Variants in DYRK1B observed in about 807,000 individuals in gnomAD.
The protein encoded by DYRK1B is dual specificity tyrosine phosphorylation regulated kinase 1B.
In DYRK1B, 20 loss-of-function variants were observed where a neutral mutation model predicts 57.1. The observed-to-expected ratio is 0.35, with a 90% confidence interval of 0.25 to 0.51. The LOEUF (loss-of-function observed/expected upper bound fraction) is 0.51. Ranked by LOEUF, DYRK1B falls within the 20% of genes least tolerant of loss-of-function variation. The probability of loss-of-function intolerance (pLI) is 0.96; values close to 1 mark genes in which losing one functional copy is unlikely to be tolerated. For missense variants in DYRK1B, 732 were observed against 886.3 expected (o/e 0.83, Z 2.21); for synonymous variants, 409 against 384.7 (o/e 1.06, Z -0.74).
intron 2 of DYRK1B, 42 bp from the exon 3 acceptor site, chr19:39,830,825 C>G (rs1490973981): frequency 2.5e-6 from 4 of 1,570,178 alleles, no homozygotes; most frequent in African/African-American, 2.7e-5. Flanking sequence ...GACGTGCCTT[C>G]ACCTCCGACC....
intron 2 of DYRK1B, 72 bp from the exon 3 acceptor site, chr19:39,830,855 G>C: frequency 6.6e-7 from 1 of 1,515,848 alleles, no homozygotes; most frequent in Non-Finnish European, 8.8e-7. Flanking sequence ...AGAACTGTAA[G>C]GGCTGCTGGC....
rs1171437317 is a variant in DYRK1B, at chr19:39,825,564, C to G, written c.*151G>C. ...GAGCGGCCAAAACCCTCTCCTTGAC[C>G]CCCCTGCCCCAGGCCCCAATCAGTG... On this transcript the variant is annotated 3_prime_UTR_variant, in exon 11 of 11. Coordinates refer to ENST00000323039, the MANE Select transcript of DYRK1B (RefSeq NM_004714.3). The G allele has an allele frequency of 2.6e-6, 2 of 775,386 alleles. No homozygotes were observed. Among genetic ancestry groups the G allele is most frequent in the South Asian group, 1.8e-5 (1 of 54,578 alleles). The allele number at this position is 775,386 out of a possible 1,614,324, so 48.0% of individuals were successfully genotyped here. A position where few individuals can be genotyped will look rare whatever the true frequency, so the allele number is the denominator to read the frequency against.
intron 8 of DYRK1B, 27 bp from the exon 9 acceptor site, chr19:39,827,014 G>GGC: frequency 1.7e-5 from 7 of 419,598 alleles, no homozygotes; most frequent in Non-Finnish European, 3.0e-5. Context: ...GGGAGGGGGG[G>GGC]CAAGAGAGTG....
intron 8 of DYRK1B, 104 bp from the exon 9 acceptor site, chr19:39,827,091 A>G (rs879837061): frequency 1.1e-4 from 136 of 1,216,016 alleles, no homozygotes; most frequent in Non-Finnish European, 1.5e-4. Flanking sequence ...GAGAAAGTGG[A>G]AAGAAAAGCT....
intron 6 of DYRK1B, 83 bp from the exon 7 acceptor site, chr19:39,827,739 G>C: frequency 6.6e-7 from 1 of 1,516,308 alleles, no homozygotes; most frequent in East Asian, 2.3e-5. Flanking sequence ...ACCCAACTGA[G>C]GACAGGCTTC....
chr19:39,825,780 G>A lies in DYRK1B; in HGVS notation c.1825C>T (p.Pro609Ser). Residue 609 changes from proline to serine, a missense_variant, in exon 11 of 11, where the codon CCT becomes TCT. This residue lies in a region of DYRK1B where 222 missense variants were observed against 205.0 expected (regional missense o/e 1.08). Coordinates refer to ENST00000323039, the MANE Select transcript of DYRK1B (RefSeq NM_004714.3). ...GRPPLPPPDDPATLGPHLGLR... is the reference protein window; with the variant it reads ...GRPPLPPPDDSATLGPHLGLR... ...CCCAGGTGAGGCCCCAGAGTGGCAG[G>A]GTCATCAGGAGGCGGGAGGGGTGGA... 5 of 1,573,688 alleles carry A rather than the reference G, an allele frequency of 3.2e-6. No individual in the cohort carries two copies. The highest frequency in any genetic ancestry group is 4.3e-6 in the Non-Finnish European group (5 of 1,160,850).
intron 5 of DYRK1B, 186 bp downstream of exon 5, chr19:39,829,692 TAC>T (rs1240532323): frequency 1.5e-6 from 1 of 673,076 alleles, no homozygotes; most frequent in Non-Finnish European, 2.4e-6. Flanking sequence ...CTCTGACCAT[TAC>T]CAAGAAAATA....
chr19:39,832,865 G>A lies in DYRK1B; in HGVS notation c.-101-897C>T, dbSNP rs1357593286. On this transcript the variant is annotated intron_variant, in intron 1 of 10. Transcript: ENST00000323039. ...GGCCCACTCCTCCTGATGGGAGAAG[G>A]AGGAGGTGTCTCTTCCCACAGTTTA... is the stretch of plus-strand genomic sequence containing the variant. 6 of 968,566 alleles carry A rather than the reference G, an allele frequency of 6.2e-6. No individual in the cohort carries two copies. In the East Asian group the frequency reaches 5.7e-4, roughly 93 times the overall value. The allele number at this position is 968,566 out of a possible 1,614,324, so 60.0% of individuals were successfully genotyped here.
intron 2 of DYRK1B, 149 bp downstream of exon 2, chr19:39,831,654 GAA>G (rs1968814867): frequency 1.9e-6 from 2 of 1,026,562 alleles, no homozygotes; most frequent in Non-Finnish European, 1.4e-6. Context: ...GACTCTGCCT[GAA>G]AACTCCTCTG....
At chr19:39,827,217 G>A (rs1968582349) in intron 8 of DYRK1B, 68 bp downstream of exon 8, 2 of 1,529,986 alleles carry the variant, frequency 1.3e-6, no homozygotes, top group Admixed American at 1.9e-5. Context: ...AGGGAGCAGG[G>A]GGAGAGAGCC....
chr19:39,830,136 C>T (rs898571148), intron 4 of DYRK1B, 109 bp from the exon 5 acceptor site: 36 of 1,402,272 alleles, frequency 2.6e-5, no homozygotes, highest in Admixed American at 8.3e-5. Context: ...ATGCATACTT[C>T]GCAGCTGAGT....
intron 1 of DYRK1B, among the ~76,000 whole-genome samples, 171 bp downstream of exon 1, chr19:39,833,852 G>A (rs961720233): frequency 2.0e-5 from 3 of 152,134 alleles, no homozygotes; most frequent in Non-Finnish European, 2.9e-5. Flanking sequence ...GGCTTGGCCG[G>A]TTCCAGGAAT....
chr19:39,826,287 C>T lies in DYRK1B; in HGVS notation c.1412-1G>A. On this transcript the variant is annotated splice_acceptor_variant, in intron 9 of 10. Coordinates refer to ENST00000323039, the MANE Select transcript of DYRK1B (RefSeq NM_004714.3). LOFTEE classifies it high-confidence loss of function. The surrounding 1 kb of genome is among the most constrained non-coding windows in gnomAD (Gnocchi z 6.3). Reference sequence around the variant, plus strand: ...TCACTGGAGGAGCCACTGGAGCCTCCTGGAAGTGCCAGGGAGGAGAGGTGA... The same window carrying T: ...TCACTGGAGGAGCCACTGGAGCCTCTTGGAAGTGCCAGGGAGGAGAGGTGA... The T allele has an allele frequency of 6.4e-7, 1 of 1,569,008 alleles. No homozygotes were observed. The highest frequency in any genetic ancestry group is 8.6e-7 in the Non-Finnish European group (1 of 1,162,604).
At position 39,827,749 on chromosome 19, in the gene DYRK1B, C is replaced by G. The variant is rs192789209; in HGVS notation, c.808-93G>C. On this transcript the variant is annotated intron_variant, in intron 6 of 10. Coordinates refer to ENST00000323039, the MANE Select transcript of DYRK1B (RefSeq NM_004714.3). Reference sequence around the variant, plus strand: ...AGAGGACCCAACTGAGGACAGGCTTCTTGCTGACAAAATGGGGACTGAGGC... The same window carrying G: ...AGAGGACCCAACTGAGGACAGGCTTGTTGCTGACAAAATGGGGACTGAGGC... The G allele has an allele frequency of 2.0e-6, 3 of 1,474,542 alleles. No homozygotes were observed. In the East Asian group the frequency reaches 6.9e-5, roughly 34 times the overall value. The allele number at this position is 1,474,542 out of a possible 1,614,324, so 91.3% of individuals were successfully genotyped here. A position where few individuals can be genotyped will look rare whatever the true frequency, so the allele number is the denominator to read the frequency against.
rs1395457471 is a variant in DYRK1B at position 39,828,683 on chromosome 19, G to A, written c.521-100C>T. ...ACGCTCTTTGATTACTAGCCACATT[G>A]TGCTGTCCCCACGGGTACCATCTGC... is the stretch of plus-strand genomic sequence containing the variant. On this transcript the variant is annotated intron_variant, in intron 5 of 10. Coordinates refer to ENST00000323039, the MANE Select transcript of DYRK1B (RefSeq NM_004714.3). The surrounding 1 kb of genome is among the most constrained non-coding windows in gnomAD (Gnocchi z 4.3). The A allele has an allele frequency of 1.6e-6, 2 of 1,263,802 alleles. No homozygotes were observed. Among genetic ancestry groups the A allele is most frequent in the Non-Finnish European group, 1.1e-6 (1 of 911,818 alleles). 78.3% of individuals were successfully genotyped at this position (1,263,802 alleles called of 1,614,324 possible).
Position 39,828,230 on chromosome 19 carries a change from A to G in DYRK1B, c.807+67T>C, listed in dbSNP as rs1042903412. On this transcript the variant is annotated intron_variant, in intron 6 of 10. Transcript: ENST00000323039. This position sits in a 1 kb window ranked among gnomAD's most constrained non-coding sequence, Gnocchi z 4.3. ...CCCATCCCAGCCAAGCCCCGCCCCT[A>G]AGCCTCCCGTTGGCTCTGCCCCACC... The G allele has an allele frequency of 1.9e-6, 3 of 1,550,258 alleles. No individual in the cohort carries two copies. The highest frequency in any genetic ancestry group is 1.8e-6 in the Non-Finnish European group (2 of 1,139,846).
intron 1 of DYRK1B, chr19:39,833,462 A>G: frequency 1.9e-6 from 1 of 528,184 alleles, no homozygotes; most frequent in Non-Finnish European, 2.4e-6. Context: ...CGCCACTGCC[A>G]CCGGGGGCGG....
In DYRK1B at chr19:39,825,926, G is replaced by A. The variant is rs1968510154; in HGVS notation, c.1679C>T (p.Pro560Leu). The change falls in exon 11 of 11, where the codon CCC becomes CTC. Residue 560 changes from proline (P) to leucine (L), a missense_variant. Physicochemically the swap from Pro to Leu is moderately conservative, Grantham distance 98. This residue lies in a region of DYRK1B where 222 missense variants were observed against 205.0 expected (regional missense o/e 1.08). Coordinates refer to ENST00000323039, the MANE Select transcript of DYRK1B (RefSeq NM_004714.3). The stretch of plus-strand genomic sequence containing the variant: ...CAGGCTCACATCCATCAGCTCCGGG[G>A]GTGGTGGTGAGGTTGGTGATGGGGG... ...GRPPSPTSPP[P>L]PELMDVSLVG... 1.3e-6 allele frequency: 2 copies of A among 1,548,942 alleles called. No homozygotes were observed. The highest frequency in any genetic ancestry group is 1.7e-6 in the Non-Finnish European group (2 of 1,149,322).
Position 39,828,523 on chromosome 19 carries a change from G to A in DYRK1B, c.581C>T (p.Ser194Phe). ...NHLCLVFELL[S>F]YNLYDLLRNT... ...GCGCAGGAGGTCGTACAGGTTGTAG[G>A]ACAGCAGCTCAAATACCAGGCACAG... Residue 194 changes from serine to phenylalanine, a missense_variant, in exon 6 of 11, where the codon TCC (serine) becomes TTC (phenylalanine). By Grantham distance (155) the Ser-to-Phe change is radical. Around this residue, in one of 2 missense-constraint regions of DYRK1B, gnomAD observed 510 missense variants for 681.3 expected, o/e 0.75. Transcript: ENST00000323039. The surrounding 1 kb of genome is among the most constrained non-coding windows in gnomAD (Gnocchi z 4.3). 1 of 1,613,482 alleles carries A rather than the reference G, an allele frequency of 6.2e-7. No homozygotes were observed. Among genetic ancestry groups the A allele is most frequent in the Non-Finnish European group, 8.5e-7 (1 of 1,179,688 alleles).
Sources: allele counts gnomAD v4.1 joint callset (sites outside exome capture counted in the v4.1 genomes callset), GRCh38; gene constraint gnomAD v4.1.1; regional missense constraint gnomAD v4.1.1; non-coding constraint Gnocchi (gnomAD v3.1); transcripts MANE v1.5; gene names NCBI Gene and HGNC (gene_info 2026-07-23, HGNC 2026-07-21).